CHST11: variants seen among roughly 807,000 people sequenced by gnomAD.
CHST11 encodes the protein C4S-1.
A neutral mutation model predicts 30.4 loss-of-function variants in CHST11; 9 were observed. The observed-to-expected ratio is 0.30, with a 90% confidence interval of 0.18 to 0.52. The LOEUF (loss-of-function observed/expected upper bound fraction) is 0.52, where lower values mean the gene tolerates loss of function less well. Among genes scored for constraint, CHST11 ranks in the 20% least tolerant of loss-of-function variants. The pLI is 0.97. For synonymous variants in CHST11, 152 were observed against 187.8 expected (o/e 0.81, Z 1.56); for missense variants, 348 against 460.6 (o/e 0.76, Z 2.24).
intron 1 of CHST11, among the ~76,000 whole-genome samples, chr12:104,541,545 G>A (rs572803653): frequency 6.6e-6 from 1 of 152,182 alleles, no homozygotes; most frequent in African/African-American, 2.4e-5. Context: ...AAATGTCTGT[G>A]GTGGGCTAGT....
At chr12:104,489,979 T>C (rs764211741) in intron 1 of CHST11, among the ~76,000 whole-genome samples, 4 of 152,174 alleles carry the variant, frequency 2.6e-5, no homozygotes, top group Non-Finnish European at 4.4e-5. Flanking sequence ...ACACAAACAT[T>C]CATGCAGCTT....
intron 1 of CHST11, among the ~76,000 whole-genome samples, chr12:104,570,428 C>G (rs1393145945): frequency 1.3e-5 from 2 of 152,120 alleles, no homozygotes; most frequent in African/African-American, 2.4e-5. Flanking sequence ...GCAGCCCACC[C>G]AAGCCACGTG....
chr12:104,464,241 C>T (rs2037437265), intron 1 of CHST11, among the ~76,000 whole-genome samples: 1 of 151,696 alleles, frequency 6.6e-6, no homozygotes, highest in Non-Finnish European at 1.5e-5. Flanking sequence ...CTAATTTTTG[C>T]ATTTTTAATA....
intron 2 of CHST11, among the ~76,000 whole-genome samples, chr12:104,651,711 A>G (rs2039491564): frequency 6.6e-6 from 1 of 152,224 alleles, no homozygotes; most frequent in Admixed American, 6.5e-5. Flanking sequence ...TTCCCAGCCC[A>G]GCACCCTTTT....
chr12:104,545,206 A>G (rs1010812530), intron 1 of CHST11, among the ~76,000 whole-genome samples: 3 of 152,178 alleles, frequency 2.0e-5, no homozygotes, highest in African/African-American at 7.2e-5. Context: ...ATTCTCTGTC[A>G]TGTTCCTCCA....
intron 2 of CHST11, among the ~76,000 whole-genome samples, chr12:104,652,017 T>A (rs1379675200): frequency 6.6e-6 from 1 of 152,236 alleles, no homozygotes; most frequent in African/African-American, 2.4e-5. Flanking sequence ...ACAAGGAAGA[T>A]ACTTTTCCTG....
rs147701480 is a variant in CHST11 at position 104,633,686 on chromosome 12, A to T, written c.204+31695A>T. Among the ~76,000 whole-genome samples the T allele has an allele frequency of 7.5e-3, 1,137 of 152,030 alleles. 57 individuals carry two copies. The East Asian group carries it at 0.12, about 16-fold the overall frequency. ...TGCCTCGGCCTCCCAAAGTGCTGGG[A>T]TTACAGGCATGAGCCACACCGTGCC... On this transcript the variant is annotated intron_variant, in intron 2 of 2. Transcript: ENST00000303694.
Position 104,458,045 on chromosome 12 carries a change from G to A in CHST11, c.118+516G>A, listed in dbSNP as rs2135945834. ...AGGGTGTACGCCCCGGCGAGGTTGC[G>A]AGTCCCTGCAGCAGGCTGGGAGCCC... On this transcript the variant is annotated intron_variant, in intron 1 of 2. Coordinates refer to ENST00000303694, the MANE Select transcript of CHST11 (RefSeq NM_018413.6). This position sits in a 1 kb window ranked among gnomAD's most constrained non-coding sequence, Gnocchi z 5.7. 6.6e-6 allele frequency among the ~76,000 whole-genome samples: 1 copy of A among 152,038 alleles called. No individual in the cohort carries two copies. The highest frequency in any genetic ancestry group is 2.0e-4 in the East Asian group (1 of 5,082).
intron 1 of CHST11, among the ~76,000 whole-genome samples, chr12:104,531,399 G>A (rs1422046275): frequency 6.6e-5 from 10 of 150,622 alleles, no homozygotes; most frequent in Middle Eastern, 6.8e-3. Flanking sequence ...CAAGAGGATC[G>A]CTTGAGCCCA....
chr12:104,564,704 A>T (rs997021674), intron 1 of CHST11, among the ~76,000 whole-genome samples: 1 of 152,216 alleles, frequency 6.6e-6, no homozygotes, highest in Admixed American at 6.5e-5. Context: ...ATCCTTTGCC[A>T]ATGTATTTGT....
At chr12:104,503,976 G>C (rs887803403) in intron 1 of CHST11, among the ~76,000 whole-genome samples, 2 of 152,234 alleles carry the variant, frequency 1.3e-5, no homozygotes, top group African/African-American at 4.8e-5. Flanking sequence ...TTTGGGCTCA[G>C]AAAGCTGGTG....
chr12:104,748,782 A>G (rs1433240757), intron 2 of CHST11, among the ~76,000 whole-genome samples: 29 of 152,122 alleles, frequency 1.9e-4, no homozygotes, highest in Admixed American at 1.9e-3. Context: ...CGGCCCAAAC[A>G]CTTTGGGGGC....
intron 2 of CHST11, among the ~76,000 whole-genome samples, chr12:104,681,825 C>CTTTTTTTTTTTTTTT (rs149441295): frequency 1.2e-5 from 1 of 85,084 alleles, no homozygotes; most frequent in Non-Finnish European, 2.1e-5. Context: ...GTCTGTTTTG[C>CTTTTTTTTTTTTTTT]TTTTTTTTTT....
intron 2 of CHST11, among the ~76,000 whole-genome samples, chr12:104,604,179 C>T (rs2038981910): frequency 6.6e-6 from 1 of 152,122 alleles, no homozygotes; most frequent in South Asian, 2.1e-4. Context: ...GGGGCCCTCT[C>T]TTCCTTCCGG....
intron 2 of CHST11, among the ~76,000 whole-genome samples, chr12:104,631,718 T>C (rs1040874025): frequency 6.6e-6 from 1 of 152,180 alleles, no homozygotes; most frequent in Non-Finnish European, 1.5e-5. Context: ...TTTGCAGGAC[T>C]CAGTGCTGAA....
rs188500146 is a variant in CHST11 at position 104,580,407 on chromosome 12, G to T, written c.119-21499G>T. ...TTAGGTCAATTAGATTAGATGTTAGGCTGCCTGTTTCTAAATACCATGGGA... is the reference window on the plus strand; with the variant it reads ...TTAGGTCAATTAGATTAGATGTTAGTCTGCCTGTTTCTAAATACCATGGGA... On this transcript the variant is annotated intron_variant, in intron 1 of 2. Transcript: ENST00000303694. Among the ~76,000 whole-genome samples, 53 of 152,312 alleles carry T rather than the reference G, an allele frequency of 3.5e-4. 2 individuals are homozygous for T. In the East Asian group the frequency reaches 6.7e-3, roughly 19 times the overall value.
At chr12:104,708,789 A>G (rs1018454198) in intron 2 of CHST11, among the ~76,000 whole-genome samples, 3 of 152,078 alleles carry the variant, frequency 2.0e-5, no homozygotes, top group Non-Finnish European at 4.4e-5. Flanking sequence ...CTCTCGCTCC[A>G]TCTTCCCCCA....
intron 2 of CHST11, among the ~76,000 whole-genome samples, chr12:104,625,003 A>G (rs1314941394): frequency 6.6e-6 from 1 of 152,198 alleles, no homozygotes; most frequent in East Asian, 1.9e-4. Flanking sequence ...TTACCTCTTC[A>G]AAGGCCTCAT....
intron 1 of CHST11, among the ~76,000 whole-genome samples, chr12:104,461,933 G>A (rs1013608447): frequency 7.2e-5 from 11 of 151,882 alleles, no homozygotes; most frequent in African/African-American, 2.7e-4. Context: ...GGAGTCCAAG[G>A]CAGGTGGATC....
Sources: gnomAD v4.1 joint callset for allele counts (sites outside exome capture counted in the v4.1 genomes callset) on GRCh38, gnomAD v4.1.1 for gene constraint, Gnocchi (gnomAD v3.1) non-coding constraint, MANE v1.5 for transcripts, NCBI Gene and HGNC (gene_info 2026-07-23, HGNC 2026-07-21) for gene names.